Variants in CTBP1 observed in about 807,000 individuals in gnomAD.
CTBP1 encodes the protein C-terminal binding protein 1, also known as C-terminal-binding protein 1.
CTBP1 carries 11 observed loss-of-function variants against 42.1 expected under a neutral mutation model. The ratio of observed to expected loss-of-function variants is 0.26; its 90% CI spans 0.16 to 0.43. The LOEUF is 0.43. CTBP1 is among the 20% of genes least tolerant of loss of function. The probability of loss-of-function intolerance (pLI) is 1.00; values close to 1 mark genes in which losing one functional copy is unlikely to be tolerated. For synonymous variants in CTBP1, 324 were observed against 277.1 expected, an observed-to-expected ratio of 1.17 and a Z score of -1.68; for missense variants, 399 against 624.3, an observed-to-expected ratio of 0.64 and a Z score of 3.85.
chr4:1,230,740 G>A (rs1472552106), intron 3 of CTBP1, among the ~76,000 whole-genome samples: 1 of 152,262 alleles, frequency 6.6e-6, no homozygotes, highest in Non-Finnish European at 1.5e-5. Flanking sequence ...GGAGGAGACA[G>A]CGATCAGATT....
At chr4:1,242,771 C>T (rs149553653) in intron 1 of CTBP1, 30 of 985,430 alleles carry the variant, frequency 3.0e-5, no homozygotes, top group South Asian at 2.8e-4. Context: ...AATGCCAGAT[C>T]TCCCCATGGT....
intron 4 of CTBP1, among the ~76,000 whole-genome samples, chr4:1,226,388 A>G (rs968356966): frequency 8.5e-5 from 13 of 152,114 alleles, no homozygotes; most frequent in Non-Finnish European, 1.3e-4. Context: ...GGCTGCATTC[A>G]TAGGCCCGGA....
In CTBP1 at chr4:1,248,756, A is replaced by G. The variant is rs574121153; in HGVS notation, c.-189+160T>C. 6 of 974,458 alleles carry G rather than the reference A, an allele frequency of 6.2e-6. No individual in the cohort carries two copies. The African/African-American group carries it at 1.1e-4, about 18-fold the overall frequency. The allele number at this position is 974,458 out of a possible 1,614,324, so 60.4% of individuals were successfully genotyped here. A position where few individuals can be genotyped will look rare whatever the true frequency, so the allele number is the denominator to read the frequency against. On this transcript the variant is annotated intron_variant, in intron 1 of 9. Coordinates refer to ENST00000382952, the MANE Select transcript of CTBP1 (RefSeq NM_001012614.2). ...GACCCTTCCCGCGGTCCCGCCCCCGACCGCGGCCACGCGCGGACGCCGGCG... is the reference window on the plus strand; with the variant it reads ...GACCCTTCCCGCGGTCCCGCCCCCGGCCGCGGCCACGCGCGGACGCCGGCG...
At chr4:1,216,686 G>A in intron 5 of CTBP1, 1 of 207,114 alleles carries the variant, frequency 4.8e-6, no homozygotes, top group Non-Finnish European at 1.0e-5. Context: ...GACCAGGGAG[G>A]CCCCGCTGGG....
Position 1,225,987 on chromosome 4 carries a change from G to A in CTBP1, c.308-421C>T, listed in dbSNP as rs1027819112. 3.3e-5 allele frequency among the ~76,000 whole-genome samples: 5 copies of A among 152,000 alleles called. No individual in the cohort carries two copies. In the South Asian group the frequency reaches 8.3e-4, roughly 25 times the overall value. ...CAGAATCTGGGTGCCGGCCCCGCCT[G>A]CACACCCCTACGTGGACATCCGCAC... On this transcript the variant is annotated intron_variant, in intron 4 of 9. Coordinates refer to ENST00000382952, the MANE Select transcript of CTBP1 (RefSeq NM_001012614.2).
rs543150910 is a variant in CTBP1 at position 1,231,995 on chromosome 4, C to T, written c.163-3652G>A. On this transcript the variant is annotated intron_variant, in intron 3 of 9. Coordinates refer to ENST00000382952, the MANE Select transcript of CTBP1 (RefSeq NM_001012614.2). Reference sequence around the variant, plus strand: ...CTGTACCAAACGCCACCGCCCTCATCCATTTTCTGTCGGGATTTTTCTGTT... The same window carrying T: ...CTGTACCAAACGCCACCGCCCTCATTCATTTTCTGTCGGGATTTTTCTGTT... 2.5e-4 allele frequency among the ~76,000 whole-genome samples: 38 copies of T among 152,394 alleles called. No homozygotes were observed. The South Asian group carries it at 7.4e-3, about 30-fold the overall frequency.
chr4:1,212,474 G>A (rs1157232801), intron 9 of CTBP1, 51 bp from the exon 10 acceptor site: 2 of 1,376,104 alleles, frequency 1.5e-6, no homozygotes, highest in South Asian at 1.6e-5. Flanking sequence ...GGCCTGGCCA[G>A]GCCCCACCTG....
intron 6 of CTBP1, among the ~76,000 whole-genome samples, chr4:1,214,821 G>A (rs973328448): frequency 6.6e-6 from 1 of 152,188 alleles, no homozygotes; most frequent in Non-Finnish European, 1.5e-5. Flanking sequence ...CCTCCCCCAC[G>A]CAGGGCCTCA....
At chr4:1,236,429 C>G (rs1020065380) in intron 3 of CTBP1, 2 of 564,764 alleles carry the variant, frequency 3.5e-6, no homozygotes, top group African/African-American at 3.8e-5. Flanking sequence ...CAACTGGGGC[C>G]GGGGGAAGCA....
intron 4 of CTBP1, 40 bp from the exon 5 acceptor site, chr4:1,225,606 C>A (rs1730250166): frequency 1.7e-5 from 26 of 1,519,542 alleles, no homozygotes; most frequent in Non-Finnish European, 2.0e-5. Context: ...CCGGGCCGGG[C>A]CCAGCCTCCG....
At chr4:1,244,179 C>T (rs1348533891) in intron 1 of CTBP1, 1 of 985,140 alleles carries the variant, frequency 1.0e-6, no homozygotes, top group Non-Finnish European at 1.2e-6. Flanking sequence ...TCACCATCTG[C>T]TTGCCGGATC....
In CTBP1 at chr4:1,225,410, G is replaced by A; in HGVS notation, c.464C>T (p.Ala155Val). The part of the protein sequence containing the change: ...VQSVEQIREV[A>V]SGAARIRGET... The stretch of plus-strand genomic sequence containing the variant: ...CCCGCGGATCCTGGCAGCGCCGGAC[G>A]CCACCTCGCGGATCTGCTCGACGCT... The change falls in exon 5 of 10, where the codon GCG (alanine) becomes GTG (valine). Residue 155 changes from alanine to valine, a missense_variant. By Grantham distance (64) the Ala-to-Val change is moderately conservative. Coordinates refer to ENST00000382952, the MANE Select transcript of CTBP1 (RefSeq NM_001012614.2). The A allele has an allele frequency of 6.4e-7, 1 of 1,565,992 alleles. No individual in the cohort carries two copies.
intron 1 of CTBP1, chr4:1,242,414 C>G (rs530469986): frequency 1.0e-6 from 1 of 985,216 alleles, no homozygotes; most frequent in Non-Finnish European, 1.2e-6. Flanking sequence ...TGGGCTGAGA[C>G]GACTGCCTGC....
At chr4:1,226,419 T>G (rs1730351420) in intron 4 of CTBP1, among the ~76,000 whole-genome samples, 2 of 151,238 alleles carry the variant, frequency 1.3e-5, no homozygotes, top group African/African-American at 4.9e-5. Context: ...GACCGTGTGG[T>G]TCCGCAAGGG....
At chr4:1,221,941 G>T (rs1729784100) in intron 5 of CTBP1, 1 of 340,888 alleles carries the variant, frequency 2.9e-6, no homozygotes, top group African/African-American at 2.2e-5. Flanking sequence ...GCCTCGTAGA[G>T]CAGAGGAAGC....
At chr4:1,227,056 G>A (rs745892402) in intron 4 of CTBP1, among the ~76,000 whole-genome samples, 1 of 152,070 alleles carries the variant, frequency 6.6e-6, no homozygotes, top group Non-Finnish European at 1.5e-5. Context: ...GACCGAGCCT[G>A]GCAGAAAACA....
upstream of CTBP1, chr4:1,249,786 T>A (rs1352525491): frequency 4.0e-6 from 1 of 252,472 alleles, no homozygotes; most frequent in East Asian, 1.7e-4. Flanking sequence ...GAGAACCCCT[T>A]CCCCGACCCC....
Position 1,249,059 on chromosome 4 carries a change from C to T in CTBP1, c.-332G>A, listed in dbSNP as rs1274589932. The T allele has an allele frequency of 4.7e-6, 2 of 425,540 alleles. No individual in the cohort carries two copies. Among genetic ancestry groups the T allele is most frequent in the Non-Finnish European group, 6.2e-6 (2 of 321,386 alleles). The allele number at this position is 425,540 out of a possible 1,614,324, so 26.4% of individuals were successfully genotyped here. ...GGCGCCGTCCGCTGCTCCGCCCGCC[C>T]GCCTGCGCCTGGCCGCCGCCGTGCC... On this transcript the variant is annotated 5_prime_UTR_variant, in exon 1 of 10. Coordinates refer to ENST00000382952, the MANE Select transcript of CTBP1 (RefSeq NM_001012614.2).
intron 5 of CTBP1, among the ~76,000 whole-genome samples, chr4:1,218,820 G>A (rs1004800642): frequency 1.3e-5 from 2 of 152,070 alleles, no homozygotes; most frequent in African/African-American, 4.8e-5. Flanking sequence ...AGCAACAACA[G>A]ATGCAAGGAA....
Sources: allele counts gnomAD v4.1 joint callset (sites outside exome capture counted in the v4.1 genomes callset), GRCh38; gene constraint gnomAD v4.1.1; transcripts MANE v1.5; gene names NCBI Gene and HGNC (gene_info 2026-07-23, HGNC 2026-07-21).